Variants in ANO3 observed in about 807,000 individuals in gnomAD.
ANO3 encodes anoctamin 3, also known as anoctamin-3.
Under a neutral mutation model 144.8 loss-of-function variants are expected in ANO3, and 99 were observed. That is an observed-to-expected ratio of 0.68 (90% CI 0.58 to 0.81). The LOEUF is 0.81. Ranked by LOEUF, ANO3 falls within the 30% of genes least tolerant of loss-of-function variation. ANO3 has a pLI of 0.00. For missense variants in ANO3, 905 were observed against 1,202.2 expected (o/e 0.75, Z 3.66); for synonymous variants, 414 against 392.6 (o/e 1.05, Z -0.64).
chr11:26,331,186 G>A (rs541983924), upstream of ANO3, among the ~76,000 whole-genome samples: 1 of 152,278 alleles, frequency 6.6e-6, no homozygotes, highest in South Asian at 2.1e-4. Context: ...CCTGTTGGAG[G>A]GGGAGGGAGA....
At chr11:26,575,853 GT>G (rs1850971775) in intron 14 of ANO3, among the ~76,000 whole-genome samples, 1 of 152,136 alleles carries the variant, frequency 6.6e-6, no homozygotes, top group African/African-American at 2.4e-5. Context: ...GTCTCACATA[GT>G]GTCCACTATA....
At chr11:26,450,270 G>A (rs533599726) in intron 3 of ANO3, among the ~76,000 whole-genome samples, 20 of 152,206 alleles carry the variant, frequency 1.3e-4, no homozygotes, top group African/African-American at 4.8e-4. Flanking sequence ...AGGGAAAGAT[G>A]GTGAGTAGAA....
chr11:26,347,249 A>G (rs1398980765), intron 1 of ANO3, among the ~76,000 whole-genome samples: 1 of 152,250 alleles, frequency 6.6e-6, no homozygotes, highest in Non-Finnish European at 1.5e-5. Flanking sequence ...TATTTGAATC[A>G]ATCGGCACAA....
chr11:26,406,833 T>C (rs1383245690), intron 1 of ANO3, among the ~76,000 whole-genome samples: 1 of 151,006 alleles, frequency 6.6e-6, no homozygotes, highest in Non-Finnish European at 1.5e-5. Context: ...TTGTGATGAT[T>C]GTTTATATCT....
At position 26,662,426 on chromosome 11, in the gene ANO3, A is replaced by G. The variant is rs551966758; in HGVS notation, c.*1982A>G. The G allele has an allele frequency of 6.6e-6, 1 of 151,982 alleles. No individual in the cohort carries two copies. Among genetic ancestry groups the G allele is most frequent in the South Asian group, 2.1e-4 (1 of 4,816 alleles). The allele number at this position is 151,982 out of a possible 1,614,324, so 9.4% of individuals were successfully genotyped here. The stretch of plus-strand genomic sequence containing the variant: ...CTGCATTTCTTTTTCTTTGTTAGGT[A>G]CATGTATACACCTGCCTGAGTATAA... On this transcript the variant is annotated 3_prime_UTR_variant, in exon 27 of 27. Transcript: ENST00000256737.
intron 1 of ANO3, among the ~76,000 whole-genome samples, chr11:26,370,942 G>T (rs1036246508): frequency 6.6e-6 from 1 of 152,192 alleles, no homozygotes; most frequent in Non-Finnish European, 1.5e-5. Flanking sequence ...CAATAGAAAA[G>T]AAAAACCCAT....
At chr11:26,270,419 T>C (rs1426786387) in intron 1 of ANO3, among the ~76,000 whole-genome samples, 1 of 152,214 alleles carries the variant, frequency 6.6e-6, no homozygotes, top group Non-Finnish European at 1.5e-5. Context: ...GTTACAGTGA[T>C]AAACTCTTTT....
chr11:26,499,975 C>G (rs1590422134), intron 4 of ANO3, among the ~76,000 whole-genome samples: 1 of 151,938 alleles, frequency 6.6e-6, no homozygotes, highest in Non-Finnish European at 1.5e-5. Flanking sequence ...CTACCCACTC[C>G]TCCCTCAGCC....
At chr11:26,611,860 T>A (rs1232086348) in intron 17 of ANO3, among the ~76,000 whole-genome samples, 3 of 44,966 alleles carry the variant, frequency 6.7e-5, no homozygotes, top group African/African-American at 1.8e-4. Context: ...CATTATATAA[T>A]TTTTTTTTGT....
intron 4 of ANO3, among the ~76,000 whole-genome samples, chr11:26,491,678 T>A (rs777572774): frequency 1.4e-4 from 21 of 152,168 alleles, no homozygotes; most frequent in Non-Finnish European, 1.9e-4. Flanking sequence ...AAAATAGCCA[T>A]AAGAAATTTT....
intron 1 of ANO3, among the ~76,000 whole-genome samples, chr11:26,301,579 C>A (rs1482722502): frequency 6.6e-6 from 1 of 152,108 alleles, no homozygotes; most frequent in East Asian, 1.9e-4. Context: ...TCTAGTATTT[C>A]TTCCACTTCT....
chr11:26,651,809 GTTAC>G (rs780141025), intron 24 of ANO3, among the ~76,000 whole-genome samples: 2 of 152,144 alleles, frequency 1.3e-5, no homozygotes, highest in African/African-American at 4.8e-5. Flanking sequence ...CCTACAGGAA[GTTAC>G]TTAGTCCCTT....
At chr11:26,319,209 G>A (rs1854700531) in intron 1 of ANO3, among the ~76,000 whole-genome samples, 1 of 151,562 alleles carries the variant, frequency 6.6e-6, no homozygotes, top group South Asian at 2.1e-4. Context: ...ATGATGCCAG[G>A]GATAGTCTGG....
At chr11:26,587,743 G>A (rs1269460181) in intron 14 of ANO3, among the ~76,000 whole-genome samples, 3 of 152,088 alleles carry the variant, frequency 2.0e-5, no homozygotes, top group African/African-American at 4.8e-5. Context: ...GATTGCCTGA[G>A]CTCAGGAGTT....
At chr11:26,214,356 T>C (rs2133786043) in intron 1 of ANO3, among the ~76,000 whole-genome samples, 1 of 152,072 alleles carries the variant, frequency 6.6e-6, no homozygotes, top group Non-Finnish European at 1.5e-5. Context: ...ACAACTGTCA[T>C]GCATTATCTG....
At chr11:26,252,431 G>A (rs1852950534) in intron 1 of ANO3, among the ~76,000 whole-genome samples, 1 of 152,164 alleles carries the variant, frequency 6.6e-6, no homozygotes. Context: ...AGAACTCTGA[G>A]AACAGGCATG....
At chr11:26,319,959 GA>G (rs1341260075) in intron 1 of ANO3, among the ~76,000 whole-genome samples, 1 of 152,132 alleles carries the variant, frequency 6.6e-6, no homozygotes, top group African/African-American at 2.4e-5. Flanking sequence ...TAAGATTTGT[GA>G]GACAATGAGA....
chr11:26,505,037 A>C (rs12363987), intron 4 of ANO3, among the ~76,000 whole-genome samples: 2 of 124,274 alleles, frequency 1.6e-5, no homozygotes, highest in South Asian at 4.7e-4. Flanking sequence ...AAAAAAAAAA[A>C]AAGAAGAGAA....
intron 1 of ANO3, among the ~76,000 whole-genome samples, chr11:26,322,665 A>G (rs1854789132): frequency 6.6e-6 from 1 of 152,130 alleles, no homozygotes; most frequent in Admixed American, 6.6e-5. Flanking sequence ...TCACCACATC[A>G]TATGAAAGGT....
Sources: gnomAD v4.1 joint callset for allele counts (sites outside exome capture counted in the v4.1 genomes callset) on GRCh38, gnomAD v4.1.1 for gene constraint, MANE v1.5 for transcripts, NCBI Gene and HGNC (gene_info 2026-07-23, HGNC 2026-07-21) for gene names.